Variants in FSIP1 observed in about 807,000 individuals in gnomAD.
FSIP1 encodes the protein fibrous sheath-interacting protein 1.
FSIP1 carries 65 observed loss-of-function variants against 60.9 expected under a neutral mutation model. The observed-to-expected ratio is 1.07, with a 90% CI of 0.87 to 1.31. FSIP1 has a LOEUF of 1.31. FSIP1 is among the 40% of genes most tolerant of loss of function. FSIP1 has a pLI of 0.00. For synonymous variants in FSIP1, 209 were observed against 221.2 expected (o/e 0.94, Z 0.49); for missense variants, 675 against 665.5 (o/e 1.01, Z -0.16).
intron 10 of FSIP1, 152 bp from the exon 11 acceptor site, chr15:39,618,397 TG>T: frequency 1.5e-6 from 1 of 670,434 alleles, no homozygotes; most frequent in South Asian, 2.3e-5. Context: ...TATCCAAAAC[TG>T]TAGGGGAAAT....
intron 8 of FSIP1, among the ~76,000 whole-genome samples, chr15:39,734,399 G>T (rs1446019794): frequency 6.6e-6 from 1 of 152,100 alleles, no homozygotes; most frequent in African/African-American, 2.4e-5. Context: ...GCTAAATTTT[G>T]TTTAGAGAGA....
chr15:39,711,825 C>T (rs145283123), intron 10 of FSIP1, among the ~76,000 whole-genome samples: 2,490 of 151,908 alleles, frequency 0.016, 55 homozygotes, highest in African/African-American at 0.054. Flanking sequence ...GCTGGGACTA[C>T]GGGCGCACAC....
intron 10 of FSIP1, among the ~76,000 whole-genome samples, chr15:39,672,405 T>C (rs1893757302): frequency 6.6e-6 from 1 of 152,178 alleles, no homozygotes; most frequent in African/African-American, 2.4e-5. Context: ...AGCAACACTA[T>C]TGACTGTCTC....
At chr15:39,674,757 G>A (rs1893871278) in intron 10 of FSIP1, among the ~76,000 whole-genome samples, 1 of 150,668 alleles carries the variant, frequency 6.6e-6, no homozygotes, top group South Asian at 2.1e-4. Flanking sequence ...TATGTTTTAA[G>A]GACTTCTTTC....
chr15:39,604,716 G>A (rs752762404), intron 11 of FSIP1, among the ~76,000 whole-genome samples: 1 of 152,154 alleles, frequency 6.6e-6, no homozygotes, highest in Non-Finnish European at 1.5e-5. Context: ...AAGAAGCAAC[G>A]TGTAGCCTTG....
In FSIP1 at chr15:39,667,836, C is replaced by G. The variant is rs144345108; in HGVS notation, c.1188+45608G>C. ...AAGGCCTGAAGCAAGAGGGGCAAAG[C>G]CTGTCAGAGGAATTAGTGAGTTTGA... On this transcript the variant is annotated intron_variant, in intron 10 of 11. Coordinates refer to ENST00000350221, the MANE Select transcript of FSIP1 (RefSeq NM_152597.5). Among the ~76,000 whole-genome samples the G allele has an allele frequency of 4.3e-3, 649 of 152,226 alleles. 7 individuals are homozygous for G. The highest frequency in any genetic ancestry group is 0.015 in the African/African-American group (621 of 41,538).
intron 8 of FSIP1, among the ~76,000 whole-genome samples, chr15:39,730,512 C>A (rs1350903045): frequency 6.6e-6 from 1 of 152,140 alleles, no homozygotes; most frequent in African/African-American, 2.4e-5. Flanking sequence ...GATGTTAATA[C>A]CAGGAACTAA....
chr15:39,757,202 T>C (rs960515198), intron 5 of FSIP1, among the ~76,000 whole-genome samples: 12 of 152,100 alleles, frequency 7.9e-5, no homozygotes, highest in African/African-American at 2.9e-4. Flanking sequence ...TGGCTATATA[T>C]GATTGATTAA....
chr15:39,602,645 CA>C (rs1467717384), intron 11 of FSIP1, among the ~76,000 whole-genome samples: 3 of 152,146 alleles, frequency 2.0e-5, no homozygotes, highest in Non-Finnish European at 4.4e-5. Flanking sequence ...AAGTGGATCA[CA>C]ATACCCCCAT....
At chr15:39,683,131 G>A (rs1156940167) in intron 10 of FSIP1, among the ~76,000 whole-genome samples, 1 of 152,182 alleles carries the variant, frequency 6.6e-6, no homozygotes, top group Non-Finnish European at 1.5e-5. Context: ...AGCCCAGTGA[G>A]CCAACTGTTT....
chr15:39,599,906 C>T (rs574499898), downstream of FSIP1: 1 of 152,286 alleles, frequency 6.6e-6, no homozygotes, highest in South Asian at 2.1e-4. Flanking sequence ...AAGAAACTGC[C>T]TATCAATACC....
intron 10 of FSIP1, among the ~76,000 whole-genome samples, chr15:39,652,755 G>A (rs921820778): frequency 2.6e-5 from 4 of 152,074 alleles, no homozygotes; most frequent in African/African-American, 9.7e-5. Context: ...TATATGGTAT[G>A]GCCTATTGCT....
At chr15:39,664,553 C>T (rs1254738474) in intron 10 of FSIP1, among the ~76,000 whole-genome samples, 1 of 152,098 alleles carries the variant, frequency 6.6e-6, no homozygotes, top group East Asian at 1.9e-4. Flanking sequence ...ATTTTAGATT[C>T]ATTATCGCCA....
intron 5 of FSIP1, among the ~76,000 whole-genome samples, chr15:39,750,034 A>G (rs1259013968): frequency 1.3e-5 from 2 of 152,024 alleles, no homozygotes; most frequent in Non-Finnish European, 2.9e-5. Flanking sequence ...AGCCTAAAAA[A>G]ATCAAGAAAA....
chr15:39,691,309 C>A (rs1894590594), intron 10 of FSIP1, among the ~76,000 whole-genome samples: 1 of 152,196 alleles, frequency 6.6e-6, no homozygotes, highest in Non-Finnish European at 1.5e-5. Context: ...GATGGGGATG[C>A]AACTGCTCCT....
intron 10 of FSIP1, among the ~76,000 whole-genome samples, chr15:39,643,009 G>A (rs528825488): frequency 3.2e-3 from 482 of 152,290 alleles, no homozygotes; most frequent in Non-Finnish European, 5.6e-3. Context: ...TTATTAGGTG[G>A]TAGCCATACA....
intron 9 of FSIP1, among the ~76,000 whole-genome samples, chr15:39,717,403 A>T (rs925481281): frequency 3.3e-5 from 5 of 151,974 alleles, no homozygotes; most frequent in Non-Finnish European, 5.9e-5. Flanking sequence ...AGCTTAGGGT[A>T]TTTTTTCCCC....
At chr15:39,711,117 A>C (rs912947326) in intron 10 of FSIP1, among the ~76,000 whole-genome samples, 2 of 152,222 alleles carry the variant, frequency 1.3e-5, no homozygotes, top group Non-Finnish European at 2.9e-5. Flanking sequence ...CCAATGTGTT[A>C]GTCTGTCTGG....
chr15:39,647,365 C>T (rs7180675), intron 10 of FSIP1, among the ~76,000 whole-genome samples: 65,480 of 151,906 alleles, frequency 0.43, 15,984 homozygotes, highest in African/African-American at 0.68. Context: ...TTGTATACTT[C>T]AAATATATAT....
Sources: gnomAD v4.1 joint callset for allele counts (sites outside exome capture counted in the v4.1 genomes callset) on GRCh38, gnomAD v4.1.1 for gene constraint, MANE v1.5 for transcripts, NCBI Gene and HGNC (gene_info 2026-07-23, HGNC 2026-07-21) for gene names.